The following ZMAT4 variants were observed in gnomAD, a reference collection of about 807,000 sequenced individuals.
ZMAT4 encodes zinc finger matrin-type protein 4.
ZMAT4 carries 17 observed loss-of-function variants against 28.7 expected under a neutral mutation model. The ratio of observed to expected loss-of-function variants is 0.59; its 90% CI spans 0.41 to 0.89. The LOEUF is 0.89. ZMAT4 is among the 40% of genes least tolerant of loss of function. ZMAT4 has a pLI of 0.00. For synonymous variants in ZMAT4, 117 were observed against 109.2 expected, an observed-to-expected ratio of 1.07 and a Z score of -0.44; for missense variants, 240 against 283.8, an observed-to-expected ratio of 0.85 and a Z score of 1.11.
intron 5 of ZMAT4, among the ~76,000 whole-genome samples, chr8:40,640,492 T>C (rs1806970264): frequency 6.6e-6 from 1 of 152,226 alleles, no homozygotes; most frequent in African/African-American, 2.4e-5. Flanking sequence ...CAGTGTCTGC[T>C]AATGAACAGA....
chr8:40,599,417 G>A (rs1219978499), intron 5 of ZMAT4, among the ~76,000 whole-genome samples: 1 of 152,124 alleles, frequency 6.6e-6, no homozygotes, highest in Non-Finnish European at 1.5e-5. Flanking sequence ...GTGTGTGTGT[G>A]TAGACATAAA....
intron 1 of ZMAT4, among the ~76,000 whole-genome samples, chr8:40,860,252 G>T (rs1445736427): frequency 6.6e-6 from 1 of 152,106 alleles, no homozygotes; most frequent in Non-Finnish European, 1.5e-5. Context: ...AGGGGAGGTT[G>T]GGACCACGAG....
At chr8:40,761,327 G>A (rs1039358406) in intron 3 of ZMAT4, among the ~76,000 whole-genome samples, 2 of 151,986 alleles carry the variant, frequency 1.3e-5, no homozygotes, top group South Asian at 4.2e-4. Flanking sequence ...AATATTGAAT[G>A]AAAGTCAGTT....
intron 2 of ZMAT4, among the ~76,000 whole-genome samples, chr8:40,771,037 A>G (rs951107054): frequency 6.6e-6 from 1 of 152,184 alleles, no homozygotes; most frequent in Non-Finnish European, 1.5e-5. Flanking sequence ...CCATTGCCGC[A>G]TTACCTAAAT....
rs571717915 is a variant in ZMAT4, at chr8:40,593,644, C to T, written c.578-12383G>A. On this transcript the variant is annotated intron_variant, in intron 5 of 6. Transcript: ENST00000297737. ...CTGCCACCTGGCCAATGAAAGGGCC[C>T]AGGGAAGTGGATGCAGCATTGGTGG... is the stretch of plus-strand genomic sequence containing the variant. Among the ~76,000 whole-genome samples, 6 of 152,316 alleles carry T rather than the reference C, an allele frequency of 3.9e-5. No homozygotes were observed. In the East Asian group the frequency reaches 1.2e-3, roughly 29 times the overall value.
At chr8:40,617,086 A>T (rs1182633644) in intron 5 of ZMAT4, among the ~76,000 whole-genome samples, 3 of 152,134 alleles carry the variant, frequency 2.0e-5, no homozygotes, top group Non-Finnish European at 4.4e-5. Context: ...TGATGTCACA[A>T]TGTGATATCG....
chr8:40,851,177 C>T (rs926448456), intron 1 of ZMAT4, among the ~76,000 whole-genome samples: 5 of 151,958 alleles, frequency 3.3e-5, no homozygotes, highest in African/African-American at 1.2e-4. Context: ...AAATATAAAA[C>T]TTAGCTGGGT....
At chr8:40,594,473 T>A (rs1805020929) in intron 5 of ZMAT4, among the ~76,000 whole-genome samples, 1 of 152,222 alleles carries the variant, frequency 6.6e-6, no homozygotes, top group Admixed American at 6.5e-5. Context: ...AGGAGCTCCC[T>A]AATTTCTCCT....
At chr8:40,829,383 C>T (rs1165765672) in intron 1 of ZMAT4, among the ~76,000 whole-genome samples, 2 of 152,170 alleles carry the variant, frequency 1.3e-5, no homozygotes, top group Non-Finnish European at 2.9e-5. Flanking sequence ...GGCCTCCACC[C>T]GATGTGGACG....
chr8:40,645,727 C>T (rs1161824317), intron 5 of ZMAT4, among the ~76,000 whole-genome samples: 1 of 152,098 alleles, frequency 6.6e-6, no homozygotes, highest in Admixed American at 6.5e-5. Context: ...GAGCTAAATA[C>T]AACTGAGTGA....
chr8:40,603,536 A>G (rs1294412315), intron 5 of ZMAT4, among the ~76,000 whole-genome samples: 1 of 152,192 alleles, frequency 6.6e-6, no homozygotes, highest in Non-Finnish European at 1.5e-5. Flanking sequence ...TTTTCACAAT[A>G]CTGATTCTAC....
intron 1 of ZMAT4, among the ~76,000 whole-genome samples, chr8:40,881,810 T>C (rs1210411148): frequency 6.6e-6 from 1 of 152,022 alleles, no homozygotes; most frequent in Admixed American, 6.5e-5. Flanking sequence ...GAGATGGGAA[T>C]AGCTCGGCCC....
intron 3 of ZMAT4, among the ~76,000 whole-genome samples, chr8:40,749,205 A>G (rs967390606): frequency 6.6e-6 from 1 of 152,158 alleles, no homozygotes; most frequent in Admixed American, 6.6e-5. Context: ...ACAGACTAAT[A>G]CACTATCAAA....
intron 3 of ZMAT4, among the ~76,000 whole-genome samples, chr8:40,761,679 T>C (rs1586010564): frequency 6.6e-6 from 1 of 152,242 alleles, no homozygotes; most frequent in East Asian, 1.9e-4. Context: ...CATGCGGCTC[T>C]GTACTCTGTA....
intron 5 of ZMAT4, among the ~76,000 whole-genome samples, chr8:40,604,860 T>C (rs1326621381): frequency 6.6e-6 from 1 of 152,210 alleles, no homozygotes. Flanking sequence ...CTTGGACATA[T>C]CTTTGTTGGC....
intron 1 of ZMAT4, among the ~76,000 whole-genome samples, chr8:40,880,765 G>A (rs1024694078): frequency 1.1e-4 from 16 of 152,078 alleles, no homozygotes; most frequent in African/African-American, 3.9e-4. Context: ...TAATTACTCA[G>A]GGAGTTAAAC....
chr8:40,763,545 G>A (rs1041665924), intron 3 of ZMAT4, among the ~76,000 whole-genome samples: 1 of 152,030 alleles, frequency 6.6e-6, no homozygotes, highest in Non-Finnish European at 1.5e-5. Flanking sequence ...ATGCTCCCTG[G>A]CTCCAGACCC....
intron 5 of ZMAT4, among the ~76,000 whole-genome samples, chr8:40,668,468 C>CAAAAAAA (rs71224843): frequency 1.2e-5 from 1 of 85,018 alleles, no homozygotes; most frequent in Non-Finnish European, 2.3e-5. Context: ...GACTTTGTCT[C>CAAAAAAA]AAAAAAAAAA....
intron 5 of ZMAT4, among the ~76,000 whole-genome samples, chr8:40,627,078 A>G (rs975798696): frequency 6.6e-6 from 1 of 152,152 alleles, no homozygotes. Context: ...CCCTCCCTGA[A>G]CTGTGCCTGG....
Sources: gnomAD v4.1 joint callset for allele counts (sites outside exome capture counted in the v4.1 genomes callset) on GRCh38, gnomAD v4.1.1 for gene constraint, MANE v1.5 for transcripts, NCBI Gene and HGNC (gene_info 2026-07-23, HGNC 2026-07-21) for gene names.